BUB1B: variants seen among roughly 807,000 people sequenced by gnomAD.
The protein encoded by BUB1B is mitotic checkpoint serine/threonine-protein kinase BUB1 beta.
BUB1B carries 86 observed loss-of-function variants against 137.7 expected under a neutral mutation model. The ratio of observed to expected loss-of-function variants is 0.62; its 90% CI spans 0.52 to 0.75. The LOEUF is 0.75. Ranked by LOEUF, BUB1B falls within the 30% of genes least tolerant of loss-of-function variation. The probability of loss-of-function intolerance (pLI) is 0.00; values close to 1 mark genes in which losing one functional copy is unlikely to be tolerated. For synonymous variants in BUB1B, 420 were observed against 417.9 expected (o/e 1.00, Z -0.06); for missense variants, 1,130 against 1,236.9 (o/e 0.91, Z 1.30).
Position 40,167,909 on chromosome 15 carries a change from A to G in BUB1B, c.180-2153A>G, listed in dbSNP as rs554649399. On this transcript the variant is annotated intron_variant, in intron 2 of 22. Coordinates refer to ENST00000287598, the MANE Select transcript of BUB1B (RefSeq NM_001211.6). Reference sequence around the variant, plus strand: ...TCAAATTGTCTGTCCTTTCACCAATAAAATACACTGTTTTGATTAGTTTTA... The same window carrying G: ...TCAAATTGTCTGTCCTTTCACCAATGAAATACACTGTTTTGATTAGTTTTA... Among the ~76,000 whole-genome samples, 17 of 152,294 alleles carry G rather than the reference A, an allele frequency of 1.1e-4. No homozygotes were observed. The South Asian group carries it at 3.3e-3, about 30-fold the overall frequency.
intron 11 of BUB1B, 73 bp from the exon 12 acceptor site, chr15:40,200,858 C>T: frequency 7.8e-7 from 1 of 1,289,786 alleles, no homozygotes; most frequent in Non-Finnish European, 1.1e-6. Context: ...GGAAAAGCCT[C>T]TTGGACTTTT....
rs1327855653 is a variant in BUB1B at position 40,217,528 on chromosome 15, A to G, written c.2711A>G (p.Asn904Ser). Residue 904 changes from asparagine to serine, a missense_variant, in exon 21 of 23, where the codon AAT becomes AGT. Transcript: ENST00000287598. ...IHDPYDCNKN[N>S]QALKIVDFSY... ...GATCCCTATGATTGTAACAAGAACA[A>G]TCAAGCTTTGAAGATAGTGGACTTT... The G allele has an allele frequency of 3.7e-6, 6 of 1,614,016 alleles. No homozygotes were observed. The highest frequency in any genetic ancestry group is 5.1e-6 in the Non-Finnish European group (6 of 1,180,024).
intron 1 of BUB1B, among the ~76,000 whole-genome samples, chr15:40,163,567 A>G (rs958812298): frequency 1.3e-5 from 2 of 152,158 alleles, no homozygotes; most frequent in African/African-American, 4.8e-5. Context: ...ACTCTCAAAC[A>G]TTTATTCCTT....
intron 9 of BUB1B, 69 bp downstream of exon 9, chr15:40,196,843 T>A (rs1386727584): frequency 7.1e-7 from 1 of 1,417,308 alleles, no homozygotes; most frequent in South Asian, 1.2e-5. Flanking sequence ...ACCTATTAAG[T>A]CTGAAGAAAA....
chr15:40,216,571 A>ATTTT (rs71426368), intron 20 of BUB1B, among the ~76,000 whole-genome samples: 3 of 83,032 alleles, frequency 3.6e-5, no homozygotes, highest in African/African-American at 6.1e-5. Flanking sequence ...ATATATATAT[A>ATTTT]TTTTTTTTTT....
intron 8 of BUB1B, among the ~76,000 whole-genome samples, chr15:40,193,159 T>G (rs1337749551): frequency 1.3e-5 from 2 of 152,178 alleles, no homozygotes; most frequent in Non-Finnish European, 2.9e-5. Context: ...CAGGTTTTGG[T>G]GCAGACATAA....
intron 8 of BUB1B, among the ~76,000 whole-genome samples, chr15:40,187,612 T>C (rs1311350503): frequency 6.6e-6 from 1 of 151,802 alleles, no homozygotes; most frequent in Non-Finnish European, 1.5e-5. Flanking sequence ...TCAATTATAA[T>C]AATAAAGAAA....
intron 2 of BUB1B, among the ~76,000 whole-genome samples, chr15:40,165,472 A>G (rs914384113): frequency 6.6e-6 from 1 of 152,226 alleles, no homozygotes; most frequent in African/African-American, 2.4e-5. Context: ...AGTGATAAGC[A>G]TAGTAAAGCA....
chr15:40,172,953 C>G (rs1363540444), intron 4 of BUB1B, among the ~76,000 whole-genome samples: 1 of 152,012 alleles, frequency 6.6e-6, no homozygotes, highest in East Asian at 1.9e-4. Context: ...TTGTCACTAG[C>G]CTAAATAATA....
chr15:40,195,482 C>T lies in BUB1B; in HGVS notation c.1059-1063C>T, dbSNP rs567732027. On this transcript the variant is annotated intron_variant, in intron 8 of 22. Coordinates refer to ENST00000287598, the MANE Select transcript of BUB1B (RefSeq NM_001211.6). ...CTTTTTCATATAATGACTTCTTTTC[C>T]TCTGGGTAGATACCCAGGAGTGGGA... Among the ~76,000 whole-genome samples, 164 of 152,190 alleles carry T rather than the reference C, an allele frequency of 1.1e-3. 2 individuals carry two copies. Among genetic ancestry groups the T allele is most frequent in the East Asian group, 5.6e-3 (29 of 5,178 alleles).
chr15:40,213,283 G>A (rs771899908), intron 19 of BUB1B, 49 bp from the exon 20 acceptor site: 21 of 1,604,132 alleles, frequency 1.3e-5, no homozygotes, highest in South Asian at 5.5e-5. Context: ...GTATAACTAC[G>A]ATCTGCCAAA....
intron 8 of BUB1B, among the ~76,000 whole-genome samples, chr15:40,188,121 C>G (rs1326715498): frequency 6.6e-6 from 1 of 152,138 alleles, no homozygotes; most frequent in Non-Finnish European, 1.5e-5. Flanking sequence ...AATCTTGGCT[C>G]ACTGCAACCT....
chr15:40,216,568 TA>T (rs57676380), intron 20 of BUB1B, among the ~76,000 whole-genome samples: 31,412 of 89,368 alleles, frequency 0.35, 4,649 homozygotes, highest in Middle Eastern at 0.47. Flanking sequence ...TATATATATA[TA>T]TATTTTTTTT....
rs1167349649 is a variant in BUB1B at position 40,199,702 on chromosome 15, C to T, written c.1376C>T (p.Thr459Ile). ...MEKKLKEIQTTQQERTGDQQE... is the reference protein window; with the variant it reads ...MEKKLKEIQTIQQERTGDQQE... ...AAGAAGCTAAAAGAAATCCAAACTA[C>T]TCAGCAAGAAAGAACAGGTGATCAG... The change falls in exon 10 of 23, where the codon ACT becomes ATT. Residue 459 changes from threonine to isoleucine, a missense_variant. Physicochemically the swap from Thr to Ile is moderately conservative, Grantham distance 89. Transcript: ENST00000287598. 3.1e-6 allele frequency: 5 copies of T among 1,613,586 alleles called. No individual in the cohort carries two copies. Among genetic ancestry groups the T allele is most frequent in the South Asian group, 2.2e-5 (2 of 91,070 alleles).
chr15:40,166,551 A>G (rs530398150), intron 2 of BUB1B: 43 of 255,628 alleles, frequency 1.7e-4, no homozygotes, highest in African/African-American at 6.8e-4. Flanking sequence ...CGTGTTAGCC[A>G]GGATGGTCTC....
chr15:40,193,867 C>G (rs2037466663), intron 8 of BUB1B, among the ~76,000 whole-genome samples: 2 of 149,774 alleles, frequency 1.3e-5, no homozygotes, highest in South Asian at 4.2e-4. Flanking sequence ...GCACTCCAGC[C>G]TGGGTGACAA....
At chr15:40,166,243 G>C (rs1198607794) in intron 2 of BUB1B, 1 of 340,170 alleles carries the variant, frequency 2.9e-6, no homozygotes, top group African/African-American at 2.3e-5. Context: ...ACCAATTGAT[G>C]AATATTTAGA....
At chr15:40,210,892 A>G (rs2037702689) in intron 18 of BUB1B, among the ~76,000 whole-genome samples, 1 of 152,198 alleles carries the variant, frequency 6.6e-6, no homozygotes, top group Admixed American at 6.5e-5. Context: ...TGTCCCCACT[A>G]TTCTGAAATG....
chr15:40,200,811 A>C, intron 11 of BUB1B, 120 bp from the exon 12 acceptor site: 1 of 797,698 alleles, frequency 1.3e-6, no homozygotes, highest in Non-Finnish European at 2.1e-6. Context: ...TTGAATTGAC[A>C]GTAATAATTT....
Sources: gnomAD v4.1 joint callset for allele counts (sites outside exome capture counted in the v4.1 genomes callset) on GRCh38, gnomAD v4.1.1 for gene constraint, MANE v1.5 for transcripts, NCBI Gene and HGNC (gene_info 2026-07-23, HGNC 2026-07-21) for gene names.